TCAIM: variants seen among roughly 807,000 people sequenced by gnomAD.
TCAIM encodes the protein T-cell activation inhibitor, mitochondrial.
In TCAIM, 36 loss-of-function variants were observed where a neutral mutation model predicts 58.6. The ratio of observed to expected loss-of-function variants is 0.61; its 90% CI spans 0.47 to 0.81. The LOEUF (loss-of-function observed/expected upper bound fraction) is 0.81. TCAIM is among the 30% of genes least tolerant of loss of function. The pLI, the probability that TCAIM is intolerant of heterozygous loss-of-function variation, is 0.00. For missense variants in TCAIM, 466 were observed against 579.6 expected, an observed-to-expected ratio of 0.80 and a Z score of 2.01; for synonymous variants, 172 against 193.6, an observed-to-expected ratio of 0.89 and a Z score of 0.93.
At chr3:44,358,604 G>T in intron 3 of TCAIM, 1 of 307,510 alleles carries the variant, frequency 3.3e-6, no homozygotes, top group Non-Finnish European at 5.1e-6. Context: ...AAAGTATATG[G>T]GAGGATACAC....
chr3:44,400,429 T>G lies in TCAIM; in HGVS notation c.960T>G (p.Leu320=). Residue 320 remains leucine (L), a synonymous_variant, in exon 9 of 11, where the codon CTT becomes CTG. Transcript: ENST00000342649. ...TTTTAGAAGACCAAATAAGCTATCT[T>G]TTAGGTGGCATACAAGTTGTTTATA... ...LMILEDQISY[L]LGGIQVVYIE... 4 of 1,613,876 alleles carry G rather than the reference T, an allele frequency of 2.5e-6. No homozygotes were observed. The highest frequency in any genetic ancestry group is 3.4e-6 in the Non-Finnish European group (4 of 1,179,898).
intron 1 of TCAIM, among the ~76,000 whole-genome samples, chr3:44,345,311 G>T (rs992886369): frequency 1.3e-5 from 2 of 151,896 alleles, no homozygotes; most frequent in Non-Finnish European, 2.9e-5. Context: ...AACAGAAGAC[G>T]CAAGGTCCAA....
In TCAIM at chr3:44,408,722, C is replaced by G. The variant is rs1214731859; in HGVS notation, c.*1040C>G. The G allele has an allele frequency of 1.3e-5, 2 of 152,116 alleles. No individual in the cohort carries two copies. The highest frequency in any genetic ancestry group is 2.9e-5 in the Non-Finnish European group (2 of 68,020). 9.4% of individuals were successfully genotyped at this position (152,116 alleles called of 1,614,324 possible). A position where few individuals can be genotyped will look rare whatever the true frequency, so the allele number is the denominator to read the frequency against. ...TCAGACCATTCAGGATTTCTTGTCA[C>G]TCTTCTCAACCACGATCTTCCTGTT... On this transcript the variant is annotated 3_prime_UTR_variant, in exon 11 of 11. Transcript: ENST00000342649.
intron 5 of TCAIM, among the ~76,000 whole-genome samples, chr3:44,379,893 G>A (rs1483383563): frequency 6.6e-6 from 1 of 151,974 alleles, no homozygotes; most frequent in African/African-American, 2.4e-5. Context: ...TTATATCTAG[G>A]GAAGAGAGTG....
At chr3:44,369,772 C>T (rs1701435392) in intron 5 of TCAIM, among the ~76,000 whole-genome samples, 1 of 152,188 alleles carries the variant, frequency 6.6e-6, no homozygotes, top group Non-Finnish European at 1.5e-5. Context: ...ATCTCTGTGT[C>T]TACTAATCTA....
At position 44,367,617 on chromosome 3, in the gene TCAIM, A is replaced by T; in HGVS notation, c.481A>T (p.Ile161Phe). The T allele has an allele frequency of 1.2e-6, 2 of 1,614,164 alleles. No homozygotes were observed. The highest frequency in any genetic ancestry group is 1.7e-6 in the Non-Finnish European group (2 of 1,180,012). The change falls in exon 5 of 11, where the codon ATC becomes TTC. Residue 161 changes from isoleucine (I) to phenylalanine (F), a missense_variant. Transcript: ENST00000342649. ...KEAKRMPDRP[I>F]KWDKSYYSFT... Reference sequence around the variant, plus strand: ...AGCTAAAAGGATGCCTGACAGGCCCATCAAATGGGACAAGTCTTATTACTC... The same window carrying T: ...AGCTAAAAGGATGCCTGACAGGCCCTTCAAATGGGACAAGTCTTATTACTC...
At chr3:44,379,659 G>A (rs1189865598) in intron 5 of TCAIM, among the ~76,000 whole-genome samples, 1 of 152,098 alleles carries the variant, frequency 6.6e-6, no homozygotes, top group African/African-American at 2.4e-5. Flanking sequence ...ACTTATAAGT[G>A]GGAACAAAAT....
chr3:44,354,631 A>G (rs866339653), intron 1 of TCAIM, 108 bp from the exon 2 acceptor site: 1 of 694,128 alleles, frequency 1.4e-6, no homozygotes. Flanking sequence ...CATATTTTAT[A>G]AGATTAATAA....
chr3:44,372,681 C>T (rs1013578772), intron 5 of TCAIM, among the ~76,000 whole-genome samples: 2 of 151,870 alleles, frequency 1.3e-5, no homozygotes, highest in South Asian at 2.1e-4. Context: ...GCAAGCTCCG[C>T]CTCCCGGGTT....
intron 4 of TCAIM, chr3:44,362,491 G>T (rs1412514473): frequency 2.5e-6 from 1 of 400,708 alleles, no homozygotes; most frequent in African/African-American, 2.1e-5. Flanking sequence ...TCCTCACCCA[G>T]TCTCTCCAGG....
At chr3:44,372,015 AAGG>A (rs1304883937) in intron 5 of TCAIM, among the ~76,000 whole-genome samples, 15 of 45,840 alleles carry the variant, frequency 3.3e-4, no homozygotes, top group African/African-American at 1.2e-3. Flanking sequence ...AGAGAGAAGG[AAGG>A]AAGGAAGGAA....
At chr3:44,366,708 C>T (rs926281938) in intron 4 of TCAIM, among the ~76,000 whole-genome samples, 15 of 151,930 alleles carry the variant, frequency 9.9e-5, no homozygotes, top group African/African-American at 2.9e-4. Flanking sequence ...CCTTGTGATC[C>T]GCCCGCCTCG....
chr3:44,339,252 C>T (rs1700803406), intron 1 of TCAIM, among the ~76,000 whole-genome samples: 1 of 152,186 alleles, frequency 6.6e-6, no homozygotes, highest in African/African-American at 2.4e-5. Flanking sequence ...TTTTGTCCCT[C>T]CTTGATATAA....
intron 1 of TCAIM, among the ~76,000 whole-genome samples, chr3:44,346,294 A>G (rs1415982391): frequency 6.6e-6 from 1 of 152,224 alleles, no homozygotes; most frequent in Non-Finnish European, 1.5e-5. Flanking sequence ...CGGACTGTAT[A>G]GAGGTGGGAA....
chr3:44,343,221 C>T (rs1305060439), intron 1 of TCAIM, among the ~76,000 whole-genome samples: 1 of 151,978 alleles, frequency 6.6e-6, no homozygotes, highest in Admixed American at 6.6e-5. Flanking sequence ...GAAACAGACT[C>T]CAGAAGGTAA....
At chr3:44,381,441 C>T (rs1559575829) in intron 5 of TCAIM, among the ~76,000 whole-genome samples, 1 of 152,000 alleles carries the variant, frequency 6.6e-6, no homozygotes, top group Non-Finnish European at 1.5e-5. Context: ...CAAAATTCAA[C>T]ATACTTTCAT....
rs1457158343 is a variant in TCAIM at position 44,358,245 on chromosome 3, C to T, written c.165+369C>T. 2.7e-6 allele frequency: 4 copies of T among 1,491,296 alleles called. No individual in the cohort carries two copies. In the South Asian group the frequency reaches 3.5e-5, roughly 13 times the overall value. 92.4% of individuals were successfully genotyped at this position (1,491,296 alleles called of 1,614,324 possible). A position where few individuals can be genotyped will look rare whatever the true frequency, so the allele number is the denominator to read the frequency against. ...GATACATGGAAGAGTTTTCAATGCC[C>T]TAGTGATTTTTCCTTATGATGCATG... On this transcript the variant is annotated intron_variant, in intron 3 of 10. Coordinates refer to ENST00000342649, the MANE Select transcript of TCAIM (RefSeq NM_173826.4).
At chr3:44,382,961 A>G (rs1186812238) in intron 5 of TCAIM, among the ~76,000 whole-genome samples, 2 of 152,326 alleles carry the variant, frequency 1.3e-5, no homozygotes, top group Admixed American at 1.3e-4. Flanking sequence ...AGGTATATAA[A>G]TGGCCAATAA....
At chr3:44,372,587 CTTTTTT>C (rs908759306) in intron 5 of TCAIM, among the ~76,000 whole-genome samples, 1 of 142,066 alleles carries the variant, frequency 7.0e-6, no homozygotes, top group Non-Finnish European at 1.5e-5. Context: ...TCAAAACTTT[CTTTTTT>C]TTTTTTTTCT....
Sources: allele counts gnomAD v4.1 joint callset (sites outside exome capture counted in the v4.1 genomes callset), GRCh38; gene constraint gnomAD v4.1.1; transcripts MANE v1.5; gene names NCBI Gene and HGNC (gene_info 2026-07-23, HGNC 2026-07-21).